Variants in SPADH observed in about 807,000 individuals in gnomAD.
The protein encoded by SPADH is spermadhesin family member.
the SPADH span, among the ~76,000 whole-genome samples, chr10:122,673,674 C>T: frequency 6.6e-6 from 1 of 152,314 alleles, no homozygotes; most frequent in East Asian, 1.9e-4. Flanking sequence ...ATTCTCCCCA[C>T]CTTCTTTCTT....
At chr10:122,676,374 T>C in the SPADH span, among the ~76,000 whole-genome samples, 4 of 152,340 alleles carry the variant, frequency 2.6e-5, no homozygotes, top group African/African-American at 7.2e-5. Flanking sequence ...GCAGGAGCAC[T>C]GCCTATTTGT....
At chr10:122,678,088 G>A in the SPADH span, among the ~76,000 whole-genome samples, 12 of 152,200 alleles carry the variant, frequency 7.9e-5, no homozygotes, top group Non-Finnish European at 1.8e-4. Context: ...TATAAAGTCA[G>A]CCCTGTGTGT....
At chr10:122,673,038 C>T in the SPADH span, 1 of 440,660 alleles carries the variant, frequency 2.3e-6, no homozygotes, top group Non-Finnish European at 3.0e-6. Context: ...GGCTGATTAG[C>T]TGAAAGATAC....
chr10:122,678,133 A>G, the SPADH span, among the ~76,000 whole-genome samples: 1 of 152,008 alleles, frequency 6.6e-6, no homozygotes, highest in African/African-American at 2.4e-5. Context: ...GTCTTATTAT[A>G]CCCCAGAGAG....
At chr10:122,676,859 G>A in the SPADH span, 52,009 of 985,318 alleles carry the variant, frequency 0.053, 1,492 homozygotes, top group Middle Eastern at 0.059. Flanking sequence ...TGAACCCCGG[G>A]GAGATAGTCA....
At chr10:122,676,831 G>A in the SPADH span, 1 of 985,326 alleles carries the variant, frequency 1.0e-6, no homozygotes, top group African/African-American at 1.7e-5. Context: ...AAAACTGAAT[G>A]CGTCTGGATC....
chr10:122,674,351 G>T, the SPADH span, among the ~76,000 whole-genome samples: 138 of 152,368 alleles, frequency 9.1e-4, 1 homozygote, highest in East Asian at 2.5e-3. Context: ...GTTAGTGATT[G>T]TTAAGTAGCA....
chr10:122,678,965 A>G, the SPADH span: 15 of 984,858 alleles, frequency 1.5e-5, no homozygotes, highest in Non-Finnish European at 1.8e-5. Flanking sequence ...CAACATCATC[A>G]CCATCAAGTA....
the SPADH span, among the ~76,000 whole-genome samples, chr10:122,673,672 C>T: frequency 6.6e-6 from 1 of 152,316 alleles, no homozygotes; most frequent in African/African-American, 2.4e-5. Context: ...TCATTCTCCC[C>T]ACCTTCTTTC....
At chr10:122,674,446 C>T in the SPADH span, among the ~76,000 whole-genome samples, 2 of 152,200 alleles carry the variant, frequency 1.3e-5, no homozygotes. Flanking sequence ...ACAGAAATGT[C>T]ACTCAATATG....
chr10:122,675,292 C>T, the SPADH span, among the ~76,000 whole-genome samples: 4 of 152,148 alleles, frequency 2.6e-5, no homozygotes, highest in East Asian at 7.7e-4. Flanking sequence ...AAGCTGACTA[C>T]TCTATCAGAG....
the SPADH span, among the ~76,000 whole-genome samples, chr10:122,676,550 A>G: frequency 6.6e-6 from 1 of 152,236 alleles, no homozygotes; most frequent in African/African-American, 2.4e-5. Context: ...GTACTTTAAA[A>G]TAAGTGTGGG....
chr10:122,678,982 A>G, the SPADH span: 1 of 985,314 alleles, frequency 1.0e-6, no homozygotes, highest in Non-Finnish European at 1.2e-6. Flanking sequence ...AGTACTCCAG[A>G]GAACCCAGTC....
chr10:122,679,081 G>A, the SPADH span: 4 of 888,504 alleles, frequency 4.5e-6, no homozygotes, highest in African/African-American at 7.2e-5. Context: ...ACCTGCTGAT[G>A]CTCCCCTGCT....
At chr10:122,675,703 CT>C in the SPADH span, 1 of 945,580 alleles carries the variant, frequency 1.1e-6, no homozygotes, top group Non-Finnish European at 1.3e-6. Context: ...CCCTCTTTCC[CT>C]TGCCTCACAC....
the SPADH span, chr10:122,672,862 G>A: frequency 2.0e-6 from 2 of 985,236 alleles, no homozygotes; most frequent in East Asian, 1.1e-4. Flanking sequence ...TCCTGAGGTT[G>A]GTGCCAGGCC....
chr10:122,674,410 G>A, the SPADH span, among the ~76,000 whole-genome samples: 1 of 152,238 alleles, frequency 6.6e-6, no homozygotes, highest in Non-Finnish European at 1.5e-5. Context: ...TAGATGAAAG[G>A]AATTTAAGGT....
At chr10:122,676,349 T>G in the SPADH span, among the ~76,000 whole-genome samples, 1 of 152,240 alleles carries the variant, frequency 6.6e-6, no homozygotes, top group African/African-American at 2.4e-5. Context: ...GTTCAGGGAT[T>G]GGGCTACTAT....
chr10:122,674,618 C>A, the SPADH span, among the ~76,000 whole-genome samples: 39 of 152,320 alleles, frequency 2.6e-4, no homozygotes, highest in East Asian at 7.1e-3. Flanking sequence ...GCTAAGATGT[C>A]CTGGTTGACT....
Sources: gnomAD v4.1 joint callset for allele counts (sites outside exome capture counted in the v4.1 genomes callset) on GRCh38, gnomAD v4.1.1 for gene constraint, MANE v1.5 for transcripts, NCBI Gene and HGNC (gene_info 2026-07-23, HGNC 2026-07-21) for gene names.